The following USP28 variants were observed in gnomAD, a reference collection of about 807,000 sequenced individuals.
The protein encoded by USP28 is ubiquitin carboxyl-terminal hydrolase 28.
Under a neutral mutation model 145.0 loss-of-function variants are expected in USP28, and 113 were observed. The ratio of observed to expected loss-of-function variants is 0.78; its 90% CI spans 0.67 to 0.91. The LOEUF (loss-of-function observed/expected upper bound fraction) is 0.91. Among genes scored for constraint, USP28 ranks in the 40% least tolerant of loss-of-function variants. The probability of loss-of-function intolerance (pLI) is 0.00; values close to 1 mark genes in which losing one functional copy is unlikely to be tolerated. For synonymous variants in USP28, 447 were observed against 450.9 expected (o/e 0.99, Z 0.11); for missense variants, 1,201 against 1,289.6 (o/e 0.93, Z 1.05).
intron 8 of USP28, among the ~76,000 whole-genome samples, chr11:113,831,492 C>T (rs1352320837): frequency 1.3e-5 from 2 of 152,034 alleles, no homozygotes; most frequent in Non-Finnish European, 2.9e-5. Flanking sequence ...ATATCCGTAT[C>T]GTGCCCTAAG....
At chr11:113,806,241 T>C (rs984697227) in intron 19 of USP28, among the ~76,000 whole-genome samples, 1 of 152,066 alleles carries the variant, frequency 6.6e-6, no homozygotes, top group Non-Finnish European at 1.5e-5. Flanking sequence ...CCCAGTCCTT[T>C]TTATTTTTAA....
exon 14 of USP28, chr11:113,815,333 GAGA>G (rs752657894): frequency 6.2e-7 from 1 of 1,614,134 alleles, no homozygotes; most frequent in South Asian, 1.1e-5. Context: ...GAATCTTCAG[GAGA>G]AGAAAAGGTA....
intron 1 of USP28, among the ~76,000 whole-genome samples, chr11:113,867,025 A>G (rs757290702): frequency 5.3e-5 from 8 of 152,194 alleles, no homozygotes; most frequent in Non-Finnish European, 1.0e-4. Flanking sequence ...AATAAACGAC[A>G]GATGCCACAC....
intron 22 of USP28, 140 bp from the exon 24 acceptor site, chr11:113,803,421 A>C: frequency 4.1e-6 from 4 of 979,552 alleles, no homozygotes; most frequent in Non-Finnish European, 5.7e-6. Context: ...AGCCAGTCTC[A>C]TCTCTTCTAC....
chr11:113,826,476 AT>A (rs538682333), intron 11 of USP28, among the ~76,000 whole-genome samples: 102 of 141,142 alleles, frequency 7.2e-4, no homozygotes, highest in Middle Eastern at 3.6e-3. Context: ...CACCCAGCTA[AT>A]TTTTTTTTTT....
intron 1 of USP28, among the ~76,000 whole-genome samples, chr11:113,856,380 G>C (rs763259370): frequency 6.6e-6 from 1 of 152,164 alleles, no homozygotes; most frequent in Non-Finnish European, 1.5e-5. Flanking sequence ...GAATTATTCT[G>C]TATAAAAATT....
intron 1 of USP28, among the ~76,000 whole-genome samples, chr11:113,863,340 C>A (rs1296512853): frequency 6.6e-6 from 1 of 152,102 alleles, no homozygotes; most frequent in Non-Finnish European, 1.5e-5. Flanking sequence ...AAAACCTGGG[C>A]CGGGCGCAGT....
At chr11:113,848,377 T>G (rs1259844214) in intron 3 of USP28, among the ~76,000 whole-genome samples, 1 of 152,110 alleles carries the variant, frequency 6.6e-6, no homozygotes, top group African/African-American at 2.4e-5. Flanking sequence ...TGGGGCAATG[T>G]TGAGGCAGGT....
rs373714240 is a variant in USP28 at position 113,809,274 on chromosome 11, G to A, written c.1973-20C>T. 3.2e-5 allele frequency: 51 copies of A among 1,606,728 alleles called. No individual in the cohort carries two copies. The African/African-American group carries it at 5.7e-4, about 18-fold the overall frequency. Reference sequence around the variant, plus strand: ...CTGCCTCTGAGGAAAAGCAAAGATAGAGTTAAAAGGTCACAAGGAACGAAA... The same window carrying A: ...CTGCCTCTGAGGAAAAGCAAAGATAAAGTTAAAAGGTCACAAGGAACGAAA... On this transcript the variant is annotated intron_variant, in intron 16 of 24. Coordinates refer to ENST00000003302, the Ensembl canonical transcript of USP28.
chr11:113,805,541 C>A (rs1939803629), intron 19 of USP28, among the ~76,000 whole-genome samples: 1 of 152,162 alleles, frequency 6.6e-6, no homozygotes, highest in African/African-American at 2.4e-5. Context: ...CAGGCATGAG[C>A]CACTGCGCCC....
chr11:113,857,207 T>A (rs77705585), intron 1 of USP28, among the ~76,000 whole-genome samples: 9,640 of 152,242 alleles, frequency 0.063, 337 homozygotes, highest in African/African-American at 0.079. Flanking sequence ...TGCTTCCAGG[T>A]GCACTGCTTG....
In USP28 at chr11:113,801,692, G is replaced by T. The variant is rs771585624; in HGVS notation, c.2863-14C>A. The stretch of plus-strand genomic sequence containing the variant: ...GGCATTCAGCTCCTACAGATAAAAG[G>T]TAGAATTAGGTGGGGAAGAGTCTGA... On this transcript the variant is annotated splice_polypyrimidine_tract_variant and intron_variant, in intron 23 of 24. Transcript: ENST00000003302. 2 of 1,543,706 alleles carry T rather than the reference G, an allele frequency of 1.3e-6. No homozygotes were observed. Among genetic ancestry groups the T allele is most frequent in the East Asian group, 4.6e-5 (2 of 43,932 alleles).
At chr11:113,830,772 T>C in intron 9 of USP28, 95 bp downstream of exon 9, 1 of 1,181,642 alleles carries the variant, frequency 8.5e-7, no homozygotes, top group Non-Finnish European at 1.2e-6. Flanking sequence ...TACTGCTGAC[T>C]CTCAAGCCTA....
intron 8 of USP28, among the ~76,000 whole-genome samples, chr11:113,831,255 G>C (rs1943952325): frequency 6.6e-6 from 1 of 152,142 alleles, no homozygotes; most frequent in African/African-American, 2.4e-5. Context: ...TCCAATGATA[G>C]ATGTATACAA....
rs141091652 is a variant in USP28, at chr11:113,816,321, C to A, written c.1464-939G>T. 2.4e-4 allele frequency among the ~76,000 whole-genome samples: 36 copies of A among 152,230 alleles called. No homozygotes were observed. The East Asian group carries it at 7.0e-3, about 29-fold the overall frequency. ...TACCAGGTCAAGAGATCGAGACCAC[C>A]CTGGCCAACATGGTGAAACCCCATC... On this transcript the variant is annotated intron_variant, in intron 13 of 24. Transcript: ENST00000003302.
At chr11:113,851,266 C>T (rs1455031270) in intron 3 of USP28, among the ~76,000 whole-genome samples, 1 of 152,178 alleles carries the variant, frequency 6.6e-6, no homozygotes, top group Non-Finnish European at 1.5e-5. Flanking sequence ...CAGTTTATAT[C>T]ATTCCTTTGC....
At chr11:113,838,248 T>C (rs1451699651) in intron 5 of USP28, among the ~76,000 whole-genome samples, 2 of 152,222 alleles carry the variant, frequency 1.3e-5, no homozygotes, top group Non-Finnish European at 2.9e-5. Context: ...GAGCATTATC[T>C]TTCTCTCTCT....
At chr11:113,852,664 A>C in intron 2 of USP28, 31 bp from the exon 3 acceptor site, 2 of 1,610,198 alleles carry the variant, frequency 1.2e-6, no homozygotes, top group Non-Finnish European at 1.7e-6. Context: ...AGAAATTTCA[A>C]AAGTAATCAT....
chr11:113,807,608 C>T (rs1176781490), intron 18 of USP28, among the ~76,000 whole-genome samples: 1 of 152,042 alleles, frequency 6.6e-6, no homozygotes, highest in Non-Finnish European at 1.5e-5. Context: ...AAACAATGGA[C>T]TAATATCCAA....
Sources: allele counts gnomAD v4.1 joint callset (sites outside exome capture counted in the v4.1 genomes callset), GRCh38; gene constraint gnomAD v4.1.1; transcripts MANE v1.5; gene names NCBI Gene and HGNC (gene_info 2026-07-23, HGNC 2026-07-21).